SUGCT: variants seen among roughly 807,000 people sequenced by gnomAD.
SUGCT encodes succinyl-CoA:glutarate-CoA transferase, also known as succinyl-CoA:glutarate CoA-transferase.
Under a neutral mutation model 55.0 loss-of-function variants are expected in SUGCT, and 41 were observed. That is an observed-to-expected ratio of 0.74 (90% CI 0.58 to 0.97). SUGCT has a LOEUF of 0.97. Among genes scored for constraint, SUGCT ranks in the 50% least tolerant of loss-of-function variants. The pLI, the probability that SUGCT is intolerant of heterozygous loss-of-function variation, is 0.00. For missense variants in SUGCT, 568 were observed against 547.8 expected (o/e 1.04, Z -0.37); for synonymous variants, 187 against 200.4 (o/e 0.93, Z 0.56).
chr7:40,591,768 G>A (rs1324350993), intron 12 of SUGCT, among the ~76,000 whole-genome samples: 1 of 152,158 alleles, frequency 6.6e-6, no homozygotes, highest in East Asian at 1.9e-4. Flanking sequence ...GTTATGATGT[G>A]CTGATGGAAC....
At chr7:40,440,591 C>G (rs1170798216) in intron 9 of SUGCT, among the ~76,000 whole-genome samples, 1 of 152,092 alleles carries the variant, frequency 6.6e-6, no homozygotes, top group Non-Finnish European at 1.5e-5. Flanking sequence ...CCTTAGATTT[C>G]AACTCTCAAC....
chr7:40,241,683 A>G (rs1291791131), intron 7 of SUGCT, among the ~76,000 whole-genome samples: 2 of 151,118 alleles, frequency 1.3e-5, no homozygotes, highest in Non-Finnish European at 2.9e-5. Context: ...GCACTTTGGG[A>G]GGCCGAGGCA....
chr7:40,718,233 T>C (rs547008827), intron 12 of SUGCT, among the ~76,000 whole-genome samples: 19 of 152,322 alleles, frequency 1.2e-4, no homozygotes, highest in Admixed American at 7.8e-4. Context: ...CTCATATGTG[T>C]ATTAAGACTC....
At chr7:40,785,360 C>G (rs1789958610) in intron 13 of SUGCT, 1 of 152,192 alleles carries the variant, frequency 6.6e-6, no homozygotes, top group Non-Finnish European at 1.5e-5. Context: ...CCAATCCTTA[C>G]AGTATCTTCA....
Position 40,840,279 on chromosome 7 carries a change from T to G in SUGCT, c.1154-20037T>G, listed in dbSNP as rs542004649. On this transcript the variant is annotated intron_variant, in intron 13 of 13. Transcript: ENST00000335693. ...TAATAATCCTTTCATACCCTCTTGG[T>G]ATATGCTTGTAATCCTAAGTCTCAA... 1.8e-3 allele frequency among the ~76,000 whole-genome samples: 270 copies of G among 152,270 alleles called. 2 individuals carry two copies. The highest frequency in any genetic ancestry group is 6.2e-3 in the African/African-American group (256 of 41,566).
At chr7:40,902,590 A>AAC in the SUGCT span, among the ~76,000 whole-genome samples, 1 of 151,640 alleles carries the variant, frequency 6.6e-6, no homozygotes, top group Non-Finnish European at 1.5e-5. Context: ...AAAAAAAAAA[A>AAC]AAAGAGAAAA....
At chr7:40,849,303 C>A (rs1039018152) in intron 13 of SUGCT, among the ~76,000 whole-genome samples, 1 of 152,078 alleles carries the variant, frequency 6.6e-6, no homozygotes, top group African/African-American at 2.4e-5. Context: ...TTTATTAATT[C>A]TTATTTCCAT....
intron 13 of SUGCT, among the ~76,000 whole-genome samples, chr7:40,834,693 T>G (rs933493241): frequency 5.3e-5 from 8 of 152,172 alleles, no homozygotes; most frequent in African/African-American, 1.9e-4. Flanking sequence ...GAACCCAGAC[T>G]GGAATTCAGC....
chr7:40,762,660 A>G (rs1318449154), intron 13 of SUGCT, among the ~76,000 whole-genome samples: 1 of 152,186 alleles, frequency 6.6e-6, no homozygotes, highest in Non-Finnish European at 1.5e-5. Flanking sequence ...AAAAGGATGC[A>G]TACATTTTCA....
intron 13 of SUGCT, among the ~76,000 whole-genome samples, chr7:40,823,702 T>C (rs541466402): frequency 1.3e-5 from 2 of 152,246 alleles, no homozygotes; most frequent in East Asian, 3.9e-4. Flanking sequence ...CCTTCTCCTT[T>C]TTTGAGAAGG....
chr7:40,522,507 TC>T (rs1410909150), intron 12 of SUGCT, among the ~76,000 whole-genome samples: 2 of 152,124 alleles, frequency 1.3e-5, no homozygotes, highest in African/African-American at 2.4e-5. Context: ...ACTAAATTAT[TC>T]TATCATACTA....
chr7:40,561,171 G>C (rs930554534), intron 12 of SUGCT, among the ~76,000 whole-genome samples: 2 of 152,142 alleles, frequency 1.3e-5, no homozygotes, highest in Non-Finnish European at 2.9e-5. Flanking sequence ...ACACAGACTA[G>C]GAAAAGCAAC....
chr7:40,902,311 G>A, the SUGCT span, among the ~76,000 whole-genome samples: 3 of 152,092 alleles, frequency 2.0e-5, no homozygotes, highest in East Asian at 5.8e-4. Flanking sequence ...GGGTGTGGTG[G>A]CTCACACCTG....
At chr7:40,485,398 A>G (rs374157169) in intron 11 of SUGCT, among the ~76,000 whole-genome samples, 1 of 145,876 alleles carries the variant, frequency 6.9e-6, no homozygotes, top group Admixed American at 6.9e-5. Flanking sequence ...ATATAGGTAT[A>G]TATATATCTA....
chr7:40,955,230 G>A, the SUGCT span, among the ~76,000 whole-genome samples: 1 of 152,156 alleles, frequency 6.6e-6, no homozygotes, highest in African/African-American at 2.4e-5. Context: ...ACTTTAAGCA[G>A]TATGGCCATT....
At chr7:40,769,146 A>G (rs1238142283) in intron 13 of SUGCT, among the ~76,000 whole-genome samples, 2 of 152,210 alleles carry the variant, frequency 1.3e-5, no homozygotes, top group African/African-American at 4.8e-5. Context: ...AAGGAATCGA[A>G]CATAGCAGTA....
In SUGCT at chr7:40,748,040, A is replaced by G. The variant is rs568767573; in HGVS notation, c.1090-1394A>G. On this transcript the variant is annotated intron_variant, in intron 12 of 13. Transcript: ENST00000335693. Reference sequence around the variant, plus strand: ...AGCATCAAGTCACATTTCTCTTGTCAGGCACTGGTAGAATGTCCCTGCACT... The same window carrying G: ...AGCATCAAGTCACATTTCTCTTGTCGGGCACTGGTAGAATGTCCCTGCACT... 1.2e-4 allele frequency among the ~76,000 whole-genome samples: 19 copies of G among 152,092 alleles called. No individual in the cohort carries two copies. The South Asian group carries it at 3.9e-3, about 32-fold the overall frequency.
intron 9 of SUGCT, among the ~76,000 whole-genome samples, chr7:40,372,063 G>T (rs1784320443): frequency 6.6e-6 from 1 of 151,706 alleles, no homozygotes; most frequent in African/African-American, 2.4e-5. Context: ...GAGAGCCAGG[G>T]TTGTCTGTGT....
intron 12 of SUGCT, among the ~76,000 whole-genome samples, chr7:40,641,037 C>T (rs1042720603): frequency 1.3e-5 from 2 of 152,206 alleles, no homozygotes; most frequent in Non-Finnish European, 2.9e-5. Flanking sequence ...TCCCTGTTTA[C>T]AAGAAGTTCA....
Sources: gnomAD v4.1 joint callset for allele counts (sites outside exome capture counted in the v4.1 genomes callset) on GRCh38, gnomAD v4.1.1 for gene constraint, MANE v1.5 for transcripts, NCBI Gene and HGNC (gene_info 2026-07-23, HGNC 2026-07-21) for gene names.